SMIM35: variants seen among roughly 807,000 people sequenced by gnomAD.
SMIM35 encodes TMPRSS4 antisense RNA 1 (non-protein coding).
At chr11:118,029,797 T>C in intron 1 of SMIM35, 1 of 457,176 alleles carries the variant, frequency 2.2e-6, no homozygotes, top group Non-Finnish European at 4.4e-6. Flanking sequence ...CCAGGCTCTA[T>C]GTTTTGATAC....
chr11:118,017,435 C>T (rs2058191960), intron 1 of SMIM35, among the ~76,000 whole-genome samples: 1 of 152,102 alleles, frequency 6.6e-6, no homozygotes, highest in Admixed American at 6.5e-5. Context: ...ATTCCTGTAT[C>T]CACAAGAGAG....
At chr11:118,057,763 T>C (rs1591303451) in intron 1 of SMIM35, among the ~76,000 whole-genome samples, 1 of 152,016 alleles carries the variant, frequency 6.6e-6, no homozygotes, top group Admixed American at 6.6e-5. Context: ...GGAGGTGTGA[T>C]GAGAGAAATT....
At chr11:118,068,255 T>C (rs1412788798) in intron 1 of SMIM35, among the ~76,000 whole-genome samples, 1 of 151,974 alleles carries the variant, frequency 6.6e-6, no homozygotes, top group Non-Finnish European at 1.5e-5. Context: ...TTCCTCCCAT[T>C]GCACCCCTGG....
intron 2 of SMIM35, 37 bp downstream of exon 2, chr11:118,015,656 C>T (rs536625607): frequency 6.5e-5 from 26 of 399,224 alleles, no homozygotes; most frequent in African/African-American, 2.3e-4. Flanking sequence ...GGAGGAGCTG[C>T]GCAGAACCGG....
At position 118,004,960 on chromosome 11, in the gene SMIM35, G is replaced by A. The variant is rs558780458; in HGVS notation, c.*1450C>T. ...TGATCTGCAAAGGCCTGGGTGTAGG[G>A]TGCCACACCTGTCTACCTCTACCCA... On this transcript the variant is annotated 3_prime_UTR_variant, in exon 5 of 5. Coordinates refer to ENST00000689828, the MANE Select transcript of SMIM35 (RefSeq NM_001394165.1). The A allele has an allele frequency of 2.0e-5, 3 of 152,350 alleles. No homozygotes were observed. The East Asian group carries it at 5.8e-4, about 29-fold the overall frequency. 9.4% of individuals were successfully genotyped at this position (152,350 alleles called of 1,614,324 possible).
At chr11:118,033,620 C>T (rs529979524) in intron 1 of SMIM35, among the ~76,000 whole-genome samples, 29 of 152,176 alleles carry the variant, frequency 1.9e-4, no homozygotes, top group African/African-American at 6.0e-4. Flanking sequence ...GAAGGGTGAA[C>T]GCAGATTTTG....
chr11:118,086,319 G>A (rs1945551574), intron 1 of SMIM35, among the ~76,000 whole-genome samples: 1 of 152,348 alleles, frequency 6.6e-6, no homozygotes, highest in Admixed American at 6.5e-5. Flanking sequence ...CCCAGGCCCT[G>A]CCCTGGAGCC....
rs1386248267 is a variant in SMIM35, at chr11:118,077,179, G to C, written c.7+9572C>G. On this transcript the variant is annotated intron_variant, in intron 1 of 4. Coordinates refer to ENST00000689828, the MANE Select transcript of SMIM35 (RefSeq NM_001394165.1). ...CCTGCACTCGGGCCTCCTCCAGCCA[G>C]TGCTGACCAGGGACTTCTGACCTGC... The C allele has an allele frequency of 3.4e-5, 44 of 1,306,956 alleles. 1 individual carries two copies. The South Asian group carries it at 5.8e-4, about 17-fold the overall frequency. 81.0% of individuals were successfully genotyped at this position (1,306,956 alleles called of 1,614,324 possible). A position where few individuals can be genotyped will look rare whatever the true frequency, so the allele number is the denominator to read the frequency against.
chr11:118,035,371 T>C (rs2058351396), intron 1 of SMIM35, among the ~76,000 whole-genome samples: 1 of 152,178 alleles, frequency 6.6e-6, no homozygotes, highest in Non-Finnish European at 1.5e-5. Flanking sequence ...TATGGAGTTC[T>C]TACTGTGTGC....
chr11:118,045,899 C>A (rs1237548283), intron 1 of SMIM35, among the ~76,000 whole-genome samples: 2 of 152,174 alleles, frequency 1.3e-5, no homozygotes, highest in African/African-American at 4.8e-5. Flanking sequence ...GCTAAAATAT[C>A]ATTACTCTGG....
At chr11:118,055,456 C>G (rs977538499) in intron 1 of SMIM35, among the ~76,000 whole-genome samples, 9 of 152,188 alleles carry the variant, frequency 5.9e-5, no homozygotes, top group Non-Finnish European at 1.3e-4. Context: ...CTGCCACCTC[C>G]TACCAAGACA....
chr11:118,040,072 C>A (rs572560796), intron 1 of SMIM35, among the ~76,000 whole-genome samples: 175 of 147,658 alleles, frequency 1.2e-3, no homozygotes, highest in Non-Finnish European at 2.1e-3. Context: ...AAAAATCAGC[C>A]GGGCATGATG....
At chr11:118,069,551 G>A (rs915263149) in intron 1 of SMIM35, among the ~76,000 whole-genome samples, 3 of 152,174 alleles carry the variant, frequency 2.0e-5, no homozygotes, top group Non-Finnish European at 2.9e-5. Flanking sequence ...CTCCCAGGGA[G>A]CTCAGTACAG....
At chr11:118,017,799 C>T (rs2058195590) in intron 1 of SMIM35, among the ~76,000 whole-genome samples, 1 of 152,102 alleles carries the variant, frequency 6.6e-6, no homozygotes, top group Admixed American at 6.5e-5. Flanking sequence ...GGGAAACAAA[C>T]ACGTCCTTCT....
At chr11:118,035,881 G>GTGGGTGTT (rs150849912) in intron 1 of SMIM35, among the ~76,000 whole-genome samples, 1 of 152,066 alleles carries the variant, frequency 6.6e-6, no homozygotes, top group Admixed American at 6.6e-5. Flanking sequence ...CTAATATGTG[G>GTGGGTGTT]TGTTTGTTTG....
intron 1 of SMIM35, among the ~76,000 whole-genome samples, chr11:118,071,816 G>A (rs561395628): frequency 3.9e-5 from 6 of 152,150 alleles, no homozygotes; most frequent in Non-Finnish European, 8.8e-5. Context: ...AAACTTTAAG[G>A]TGAATTCAAA....
chr11:118,042,816 G>T (rs1944027342), intron 1 of SMIM35, among the ~76,000 whole-genome samples: 1 of 152,138 alleles, frequency 6.6e-6, no homozygotes, highest in South Asian at 2.1e-4. Flanking sequence ...TAACCAAGCT[G>T]GATTTCTCCC....
At chr11:118,033,479 T>C (rs1003882031) in intron 1 of SMIM35, among the ~76,000 whole-genome samples, 1 of 152,270 alleles carries the variant, frequency 6.6e-6, no homozygotes, top group East Asian at 1.9e-4. Context: ...CCTATTTCTT[T>C]ACAAACTGCC....
At chr11:118,022,106 C>A (rs1441291426) in intron 1 of SMIM35, among the ~76,000 whole-genome samples, 1 of 139,540 alleles carries the variant, frequency 7.2e-6, no homozygotes, top group Non-Finnish European at 1.5e-5. Flanking sequence ...GTGGTGCAAT[C>A]TCAGCTCACA....
Sources: gnomAD v4.1 joint callset for allele counts (sites outside exome capture counted in the v4.1 genomes callset) on GRCh38, gnomAD v4.1.1 for gene constraint, MANE v1.5 for transcripts, NCBI Gene and HGNC (gene_info 2026-07-23, HGNC 2026-07-21) for gene names.